The following CDKAL1 variants were observed in gnomAD, a reference collection of about 807,000 sequenced individuals.
CDKAL1 encodes threonylcarbamoyladenosine tRNA methylthiotransferase.
CDKAL1 carries 32 observed loss-of-function variants against 68.2 expected under a neutral mutation model. The observed-to-expected ratio is 0.47, with a 90% CI of 0.35 to 0.63. CDKAL1 has a LOEUF of 0.63. Ranked by LOEUF, CDKAL1 falls within the 30% of genes least tolerant of loss-of-function variation. CDKAL1 has a pLI of 0.00. For synonymous variants in CDKAL1, 234 were observed against 244.3 expected (o/e 0.96, Z 0.39); for missense variants, 606 against 696.7 (o/e 0.87, Z 1.47).
intron 11 of CDKAL1, among the ~76,000 whole-genome samples, chr6:21,016,233 C>T (rs949788537): frequency 1.3e-5 from 2 of 151,780 alleles, no homozygotes; most frequent in East Asian, 1.9e-4. Context: ...TTGATGTCTA[C>T]CTTTTATACG....
chr6:20,883,501 A>T (rs1760923165), intron 9 of CDKAL1, among the ~76,000 whole-genome samples: 1 of 152,170 alleles, frequency 6.6e-6, no homozygotes, highest in South Asian at 2.1e-4. Flanking sequence ...TGGCTGTTGA[A>T]CATTTAAATA....
intron 12 of CDKAL1, among the ~76,000 whole-genome samples, chr6:21,103,652 T>C (rs1773703345): frequency 6.6e-6 from 1 of 152,202 alleles, no homozygotes; most frequent in South Asian, 2.1e-4. Flanking sequence ...TCCTCTCATC[T>C]CTGTGGCCTG....
At chr6:20,536,189 G>C (rs1763166298) in intron 2 of CDKAL1, among the ~76,000 whole-genome samples, 1 of 151,684 alleles carries the variant, frequency 6.6e-6, no homozygotes, top group Admixed American at 6.6e-5. Context: ...TGCCACCTTG[G>C]CTTCCCAGTG....
chr6:20,689,733 G>GT (rs1407171920), intron 5 of CDKAL1, among the ~76,000 whole-genome samples: 1 of 152,248 alleles, frequency 6.6e-6, no homozygotes, highest in East Asian at 1.9e-4. Context: ...GAAATTTCAT[G>GT]TATCTGTGCT....
chr6:21,157,508 A>C (rs1441528195), intron 13 of CDKAL1, among the ~76,000 whole-genome samples: 2 of 152,226 alleles, frequency 1.3e-5, no homozygotes, highest in Non-Finnish European at 2.9e-5. Context: ...TGTGTCTTAT[A>C]ATTACAAAGC....
At chr6:20,960,862 G>A (rs1160160792) in intron 10 of CDKAL1, among the ~76,000 whole-genome samples, 1 of 152,200 alleles carries the variant, frequency 6.6e-6, no homozygotes, top group Non-Finnish European at 1.5e-5. Flanking sequence ...AAATACTATA[G>A]CGATAGATAG....
intron 9 of CDKAL1, among the ~76,000 whole-genome samples, chr6:20,914,846 T>C (rs1762648833): frequency 6.6e-6 from 1 of 151,982 alleles, no homozygotes; most frequent in Admixed American, 6.6e-5. Flanking sequence ...GGTGTCACTT[T>C]GACAAAATTT....
chr6:20,710,432 C>G (rs925765032), intron 5 of CDKAL1, among the ~76,000 whole-genome samples: 2 of 152,144 alleles, frequency 1.3e-5, no homozygotes, highest in East Asian at 3.8e-4. Context: ...ACTATATAGT[C>G]TAGGTGTGCA....
intron 6 of CDKAL1, chr6:20,756,886 T>C (rs1186078736): frequency 1.1e-5 from 1 of 89,992 alleles, no homozygotes; most frequent in Non-Finnish European, 2.4e-5. Context: ...CTTCCTTCCT[T>C]CCTTCCTTCC....
intron 13 of CDKAL1, among the ~76,000 whole-genome samples, chr6:21,164,899 C>A (rs1777087881): frequency 6.6e-6 from 1 of 152,178 alleles, no homozygotes; most frequent in South Asian, 2.1e-4. Context: ...CATCACTAGG[C>A]TGTAAAGCTC....
At chr6:20,633,237 C>T (rs900731712) in intron 4 of CDKAL1, among the ~76,000 whole-genome samples, 9 of 152,214 alleles carry the variant, frequency 5.9e-5, no homozygotes, top group Non-Finnish European at 1.0e-4. Context: ...AGTCTACTTT[C>T]TGTGCTGTGG....
At chr6:20,810,608 G>C (rs1466829363) in intron 8 of CDKAL1, among the ~76,000 whole-genome samples, 1 of 141,464 alleles carries the variant, frequency 7.1e-6, no homozygotes, top group Non-Finnish European at 1.5e-5. Flanking sequence ...TTAAAAAAAA[G>C]ATTATGTGTG....
intron 11 of CDKAL1, among the ~76,000 whole-genome samples, chr6:21,061,833 A>C (rs923215509): frequency 1.3e-5 from 2 of 152,204 alleles, no homozygotes; most frequent in Non-Finnish European, 2.9e-5. Flanking sequence ...CTACTTAAAA[A>C]ACATTTTATA....
intron 5 of CDKAL1, among the ~76,000 whole-genome samples, chr6:20,725,159 C>T (rs1452385578): frequency 1.3e-5 from 2 of 151,878 alleles, no homozygotes; most frequent in Non-Finnish European, 2.9e-5. Context: ...CTCTTTCTCC[C>T]CTTGTTGAAA....
At chr6:21,176,396 G>A (rs1169266222) in intron 13 of CDKAL1, among the ~76,000 whole-genome samples, 1 of 152,368 alleles carries the variant, frequency 6.6e-6, no homozygotes, top group South Asian at 2.1e-4. Flanking sequence ...ACAAAGAAGT[G>A]AACAGACTGG....
chr6:20,686,796 C>T (rs751992096), intron 5 of CDKAL1, among the ~76,000 whole-genome samples: 1 of 152,118 alleles, frequency 6.6e-6, no homozygotes, highest in African/African-American at 2.4e-5. Flanking sequence ...TCGAGTTTCT[C>T]ACCGTTAAGT....
intron 13 of CDKAL1, among the ~76,000 whole-genome samples, chr6:21,184,637 A>G (rs1328561805): frequency 1.3e-5 from 2 of 151,964 alleles, no homozygotes; most frequent in Non-Finnish European, 2.9e-5. Context: ...CCTCCAGCCA[A>G]TGCTTTTATT....
intron 5 of CDKAL1, among the ~76,000 whole-genome samples, chr6:20,716,502 C>G: frequency 6.6e-6 from 1 of 151,918 alleles, no homozygotes. Context: ...TGAATTCTGT[C>G]TTGAAGGTAG....
intron 9 of CDKAL1, among the ~76,000 whole-genome samples, chr6:20,915,067 T>G (rs1460249656): frequency 6.6e-6 from 1 of 152,022 alleles, no homozygotes; most frequent in Non-Finnish European, 1.5e-5. Flanking sequence ...TCCATTAAAC[T>G]CTTAATCCTT....
Sources: gnomAD v4.1 joint callset for allele counts (sites outside exome capture counted in the v4.1 genomes callset) on GRCh38, gnomAD v4.1.1 for gene constraint, MANE v1.5 for transcripts, NCBI Gene and HGNC (gene_info 2026-07-23, HGNC 2026-07-21) for gene names.